The following SEMA6A variants were observed in gnomAD, a reference collection of about 807,000 sequenced individuals.
The protein encoded by SEMA6A is semaphorin-6A.
A neutral mutation model predicts 96.8 loss-of-function variants in SEMA6A; 25 were observed. The ratio of observed to expected loss-of-function variants is 0.26; its 90% confidence interval spans 0.19 to 0.36. The LOEUF (loss-of-function observed/expected upper bound fraction) is 0.36, where lower values mean the gene tolerates loss of function less well. SEMA6A is among the 10% of genes least tolerant of loss of function. SEMA6A has a pLI of 1.00. For missense variants in SEMA6A, 1,363 were observed against 1,323.1 expected (o/e 1.03, Z -0.47); for synonymous variants, 612 against 518.0 (o/e 1.18, Z -2.46).
intron 1 of SEMA6A, among the ~76,000 whole-genome samples, chr5:116,514,717 C>T (rs947489941): frequency 2.0e-5 from 3 of 152,148 alleles, no homozygotes; most frequent in Non-Finnish European, 2.9e-5. Context: ...AAAATTCATT[C>T]ACTTCTCCTT....
intron 18 of SEMA6A, among the ~76,000 whole-genome samples, chr5:116,452,811 T>C (rs763234300): frequency 5.3e-5 from 8 of 152,210 alleles, no homozygotes; most frequent in Non-Finnish European, 1.2e-4. Flanking sequence ...TTATTATCAC[T>C]CTCCTAGTAT....
rs573927058 is a variant in SEMA6A at position 116,490,060 on chromosome 5, T to TA, written c.536-1054dup. On this transcript the variant is annotated intron_variant, in intron 7 of 18. Coordinates refer to ENST00000343348, the MANE Select transcript of SEMA6A (RefSeq NM_020796.5). ...TAATGGTTTATTGTTTTGTTTGTTT[T>TA]AAAAAAACTCATATCCAAATATATT... 1.4e-3 allele frequency among the ~76,000 whole-genome samples: 208 copies of TA among 152,330 alleles called. 2 individuals are homozygous for TA. The highest frequency in any genetic ancestry group is 4.6e-3 in the African/African-American group (192 of 41,572).
At chr5:116,503,284 T>G (rs569726927) in intron 2 of SEMA6A, among the ~76,000 whole-genome samples, 8 of 152,306 alleles carry the variant, frequency 5.3e-5, no homozygotes, top group African/African-American at 1.9e-4. Flanking sequence ...CTTTACACCC[T>G]TGTAGTATCT....
chr5:116,519,916 CTTCAGTTT>C (rs1301961941), intron 1 of SEMA6A, among the ~76,000 whole-genome samples: 1 of 152,142 alleles, frequency 6.6e-6, no homozygotes, highest in Non-Finnish European at 1.5e-5. Flanking sequence ...CTTGGCCCTC[CTTCAGTTT>C]AATCTCCACA....
In SEMA6A at chr5:116,478,601, A is replaced by G. The variant is rs765662925; in HGVS notation, c.1368T>C (p.Asn456=). 3.1e-6 allele frequency: 5 copies of G among 1,613,352 alleles called. No individual in the cohort carries two copies. The South Asian group carries it at 3.3e-5, about 11-fold the overall frequency. ...AAAGGCTGTCATTTAGAAAACCACT[A>G]TTTCCTATTCTGGCCAAAAACTTCA... ...IILKFLARIG[N]SGFLNDSLFL... is the part of the protein sequence containing the mutation. Residue 456 remains asparagine, a synonymous_variant, in exon 13 of 19, where the codon AAT becomes AAC. Coordinates refer to ENST00000343348, the MANE Select transcript of SEMA6A (RefSeq NM_020796.5).
rs1227141498 is a variant in SEMA6A, at chr5:116,467,692, C to G, written c.1785G>C (p.Glu595Asp). Reference protein sequence around the residue: ...STTTSDSTAQEGYESRGGMLD... With the variant: ...STTTSDSTAQDGYESRGGMLD... Reference sequence around the variant, plus strand: ...GCATTCCTCCCCTAGACTCATACCCCTCTTGAGCCGTCGAATCTGATGTGG... The same window carrying G: ...GCATTCCTCCCCTAGACTCATACCCGTCTTGAGCCGTCGAATCTGATGTGG... Residue 595 changes from glutamate to aspartate, a missense_variant, in exon 18 of 19, where the codon GAG becomes GAC. By Grantham distance (45) the Glu-to-Asp change is conservative. Transcript: ENST00000343348. The G allele has an allele frequency of 1.2e-6, 2 of 1,613,746 alleles. No individual in the cohort carries two copies. The highest frequency in any genetic ancestry group is 2.2e-5 in the East Asian group (1 of 44,872).
At chr5:116,457,465 G>A (rs1032568066) in intron 18 of SEMA6A, among the ~76,000 whole-genome samples, 26 of 152,020 alleles carry the variant, frequency 1.7e-4, no homozygotes, top group African/African-American at 6.0e-4. Context: ...AGAAGTAATT[G>A]CAGATATCTG....
intron 1 of SEMA6A, among the ~76,000 whole-genome samples, chr5:116,543,158 C>A (rs189532261): frequency 6.6e-6 from 1 of 152,084 alleles, no homozygotes; most frequent in African/African-American, 2.4e-5. Flanking sequence ...TGACTATAAC[C>A]GGATTCCTTG....
intron 10 of SEMA6A, among the ~76,000 whole-genome samples, chr5:116,483,331 G>T (rs1207925067): frequency 1.3e-5 from 2 of 152,018 alleles, no homozygotes; most frequent in African/African-American, 2.4e-5. Context: ...GTTTACATTT[G>T]GACCCACATT....
At chr5:116,490,002 A>G (rs543421298) in intron 7 of SEMA6A, among the ~76,000 whole-genome samples, 1 of 152,318 alleles carries the variant, frequency 6.6e-6, no homozygotes, top group African/African-American at 2.4e-5. Context: ...ACAACATAGT[A>G]CTGTTCAAGC....
intron 1 of SEMA6A, among the ~76,000 whole-genome samples, chr5:116,513,172 G>T (rs1411956117): frequency 6.6e-6 from 1 of 151,838 alleles, no homozygotes; most frequent in Non-Finnish European, 1.5e-5. Flanking sequence ...TTGTTGTCCA[G>T]CCTGGAGTGT....
At chr5:116,484,757 C>T (rs569942407) in intron 10 of SEMA6A, among the ~76,000 whole-genome samples, 2 of 152,278 alleles carry the variant, frequency 1.3e-5, no homozygotes, top group Non-Finnish European at 2.9e-5. Context: ...TTGAAGTACC[C>T]GCAGGGTTTT....
chr5:116,457,456 GAAGT>G (rs1256201281), intron 18 of SEMA6A, among the ~76,000 whole-genome samples: 1 of 151,976 alleles, frequency 6.6e-6, no homozygotes, highest in Non-Finnish European at 1.5e-5. Context: ...CAGTAAAAAA[GAAGT>G]AATTGCAGAT....
At chr5:116,478,465 C>T (rs1165409515) in intron 13 of SEMA6A, 77 bp downstream of exon 13, 4 of 1,395,220 alleles carry the variant, frequency 2.9e-6, no homozygotes, top group Non-Finnish European at 3.8e-6. Flanking sequence ...CTCAGTCGGT[C>T]ATGATTTTCT....
intron 1 of SEMA6A, among the ~76,000 whole-genome samples, chr5:116,544,617 A>C (rs1181849400): frequency 6.6e-6 from 1 of 152,114 alleles, no homozygotes. Context: ...TCATTATGTC[A>C]AAAAGTTGCA....
chr5:116,500,334 G>T (rs1757816502), intron 3 of SEMA6A, among the ~76,000 whole-genome samples: 1 of 152,078 alleles, frequency 6.6e-6, no homozygotes, highest in Admixed American at 6.5e-5. Context: ...CTGTCATTTT[G>T]GCCCCATCAT....
At chr5:116,449,307 GA>G (rs1349798130) in intron 18 of SEMA6A, 1 of 702,146 alleles carries the variant, frequency 1.4e-6, no homozygotes, top group Non-Finnish European at 2.6e-6. Flanking sequence ...TAGCAAGACA[GA>G]AAAGGTACCT....
chr5:116,482,104 G>A (rs1406454996), intron 11 of SEMA6A, among the ~76,000 whole-genome samples: 1 of 152,082 alleles, frequency 6.6e-6, no homozygotes, highest in East Asian at 1.9e-4. Context: ...AGAAGCAGCG[G>A]AAATCACCAC....
chr5:116,545,247 T>A (rs1178327814), intron 1 of SEMA6A, among the ~76,000 whole-genome samples: 1 of 152,142 alleles, frequency 6.6e-6, no homozygotes, highest in East Asian at 1.9e-4. Flanking sequence ...CAGGACACAG[T>A]AGCAGGGACA....
Sources: allele counts gnomAD v4.1 joint callset (sites outside exome capture counted in the v4.1 genomes callset), GRCh38; gene constraint gnomAD v4.1.1; transcripts MANE v1.5; gene names NCBI Gene and HGNC (gene_info 2026-07-23, HGNC 2026-07-21).